The following PGBD2 variants were observed in gnomAD, a reference collection of about 807,000 sequenced individuals.
The protein encoded by PGBD2 is piggyBac transposable element-derived protein 2.
Under a neutral mutation model 8.1 loss-of-function variants are expected in PGBD2, and 6 were observed. That is an observed-to-expected ratio of 0.74 (90% CI 0.40 to 1.46). PGBD2 has a LOEUF of 1.46. Ranked by LOEUF, PGBD2 falls within the 40% of genes most tolerant of loss-of-function variation. The pLI is 0.02. For missense variants in PGBD2, 802 were observed against 739.0 expected (o/e 1.09, Z -0.99); for synonymous variants, 318 against 272.2 (o/e 1.17, Z -1.66).
Position 248,918,444 on chromosome 1 carries a change from G to T in PGBD2, c.*81G>T. 2 of 1,402,558 alleles carry T rather than the reference G, an allele frequency of 1.4e-6. No individual in the cohort carries two copies. Among genetic ancestry groups the T allele is most frequent in the East Asian group, 2.4e-5 (1 of 41,154 alleles). 86.9% of individuals were successfully genotyped at this position (1,402,558 alleles called of 1,614,324 possible). ...TGGCAGTTGAGCACTTCTGTTTTGT[G>T]TTGGAAAAAAGACCTGAATTTCTAA... On this transcript the variant is annotated 3_prime_UTR_variant, in exon 3 of 3. Transcript: ENST00000329291.
chr1:248,910,016 G>C (rs962166783), intron 1 of PGBD2, among the ~76,000 whole-genome samples: 1 of 152,216 alleles, frequency 6.6e-6, no homozygotes, highest in Non-Finnish European at 1.5e-5. Context: ...TTAGCAAGTG[G>C]ATGGGGCCAG....
chr1:248,926,431 G>A, the PGBD2 span, among the ~76,000 whole-genome samples: 1 of 152,158 alleles, frequency 6.6e-6, no homozygotes, highest in African/African-American at 2.4e-5. Flanking sequence ...TTCCTGCTAA[G>A]TCATGGACAA....
chr1:248,876,911 T>A, the PGBD2 span, among the ~76,000 whole-genome samples: 7 of 152,236 alleles, frequency 4.6e-5, no homozygotes, highest in Non-Finnish European at 7.3e-5. Context: ...AATAATGTGC[T>A]AATAATCTCT....
At chr1:248,914,400 C>A (rs981918521) in intron 2 of PGBD2, 16 of 985,228 alleles carry the variant, frequency 1.6e-5, no homozygotes, top group Admixed American at 6.1e-5. Flanking sequence ...TTTTAATTTT[C>A]TTTCCCTTTA....
rs1662178801 is a variant in PGBD2 at position 248,918,022 on chromosome 1, A to G, written c.1438A>G (p.Met480Val). ...IAKYKVKIRG[M>V]KWYSSFIGYV... ...CAAGTACAAGGTGAAGATCCGAGGC[A>G]TGAAGTGGTACTCAAGCTTTATTGG... The change falls in exon 3 of 3, where the codon ATG (methionine) becomes GTG (valine). Residue 480 changes from methionine to valine, a missense_variant. Physicochemically the swap from Met to Val is conservative, Grantham distance 21 (BLOSUM62 1). Transcript: ENST00000329291. The G allele has an allele frequency of 5.6e-6, 9 of 1,614,088 alleles. No individual in the cohort carries two copies. Among genetic ancestry groups the G allele is most frequent in the African/African-American group, 1.3e-5 (1 of 74,920 alleles).
upstream of PGBD2, among the ~76,000 whole-genome samples, chr1:248,901,313 G>C (rs1661527967): frequency 6.6e-6 from 1 of 152,150 alleles, no homozygotes; most frequent in Non-Finnish European, 1.5e-5. Context: ...AGCAAAGCTG[G>C]AGGCATCAGG....
At chr1:248,881,728 G>C in the PGBD2 span, among the ~76,000 whole-genome samples, 1 of 152,124 alleles carries the variant, frequency 6.6e-6, no homozygotes, top group Non-Finnish European at 1.5e-5. Flanking sequence ...TATTTGAAAT[G>C]ACAATTGTAA....
intron 1 of PGBD2, among the ~76,000 whole-genome samples, chr1:248,910,660 A>G (rs900168627): frequency 1.3e-5 from 2 of 152,214 alleles, no homozygotes. Context: ...TGCCTGCAGC[A>G]AGCCTGCCTT....
chr1:248,897,358 G>A, the PGBD2 span, among the ~76,000 whole-genome samples: 2 of 151,846 alleles, frequency 1.3e-5, no homozygotes, highest in South Asian at 4.1e-4. Context: ...GGGTGGATGC[G>A]TCAGGTTATA....
the PGBD2 span, among the ~76,000 whole-genome samples, chr1:248,875,333 AG>A: frequency 2.7e-5 from 4 of 148,946 alleles, no homozygotes; most frequent in African/African-American, 7.7e-5. Context: ...AAAAAAGAAA[AG>A]AAAAAAAGAA....
chr1:248,890,920 ACAC>A, the PGBD2 span, among the ~76,000 whole-genome samples: 2 of 150,792 alleles, frequency 1.3e-5, no homozygotes, highest in South Asian at 2.1e-4. Context: ...CATGCACCAC[ACAC>A]CACACCTCCC....
chr1:248,922,443 T>C (rs1662305488), downstream of PGBD2, among the ~76,000 whole-genome samples: 1 of 152,210 alleles, frequency 6.6e-6, no homozygotes, highest in Non-Finnish European at 1.5e-5. Flanking sequence ...TTGAATACCC[T>C]TTATTTCTTT....
the PGBD2 span, among the ~76,000 whole-genome samples, chr1:248,873,632 C>A: frequency 1.3e-5 from 2 of 152,218 alleles, no homozygotes; most frequent in East Asian, 3.9e-4. Context: ...CGGTCACTAA[C>A]CCCTGGTCGT....
At chr1:248,926,447 G>T in the PGBD2 span, among the ~76,000 whole-genome samples, 1 of 152,140 alleles carries the variant, frequency 6.6e-6, no homozygotes, top group Non-Finnish European at 1.5e-5. Context: ...GACAAAATGG[G>T]CCTCCAGGAG....
upstream of PGBD2, among the ~76,000 whole-genome samples, chr1:248,902,676 T>C (rs550172168): frequency 5.1e-4 from 78 of 152,234 alleles, no homozygotes; most frequent in South Asian, 0.014. Context: ...ATAAAAAGGA[T>C]TGAGATCATA....
At chr1:248,907,351 T>C (rs1235312873) in intron 1 of PGBD2, among the ~76,000 whole-genome samples, 1 of 152,242 alleles carries the variant, frequency 6.6e-6, no homozygotes, top group Non-Finnish European at 1.5e-5. Context: ...TATCTCAGAA[T>C]TGAACAAATG....
At chr1:248,890,691 A>C in the PGBD2 span, among the ~76,000 whole-genome samples, 4 of 151,354 alleles carry the variant, frequency 2.6e-5, no homozygotes, top group African/African-American at 9.7e-5. Context: ...CATACACACC[A>C]ACACCGACCC....
At chr1:248,898,889 T>G in the PGBD2 span, among the ~76,000 whole-genome samples, 1 of 151,818 alleles carries the variant, frequency 6.6e-6, no homozygotes, top group Admixed American at 6.6e-5. Context: ...ACAAATAGGC[T>G]CAAAATAAAG....
At chr1:248,909,781 A>T (rs1661801069) in intron 1 of PGBD2, among the ~76,000 whole-genome samples, 1 of 152,232 alleles carries the variant, frequency 6.6e-6, no homozygotes, top group Admixed American at 6.5e-5. Context: ...ACAAGAAGAA[A>T]GCAAAGCAGT....
Sources: allele counts gnomAD v4.1 joint callset (sites outside exome capture counted in the v4.1 genomes callset), GRCh38; gene constraint gnomAD v4.1.1; transcripts MANE v1.5; gene names NCBI Gene and HGNC (gene_info 2026-07-23, HGNC 2026-07-21).